The following UST variants were observed in gnomAD, a reference collection of about 807,000 sequenced individuals.
UST encodes chondroitin sulfate 2-O-sulfotransferase.
A neutral mutation model predicts 45.6 loss-of-function variants in UST; 21 were observed. The observed-to-expected ratio is 0.46, with a 90% CI of 0.33 to 0.66. UST has a LOEUF of 0.66. Among genes scored for constraint, UST ranks in the 30% least tolerant of loss-of-function variants. The pLI is 0.02. For synonymous variants in UST, 215 were observed against 200.6 expected (o/e 1.07, Z -0.61); for missense variants, 463 against 512.4 (o/e 0.90, Z 0.93).
intron 5 of UST, among the ~76,000 whole-genome samples, chr6:149,016,118 A>G (rs1162029414): frequency 6.6e-6 from 1 of 152,220 alleles, no homozygotes; most frequent in Non-Finnish European, 1.5e-5. Context: ...CTCCTATAGC[A>G]TCACCATAGA....
chr6:148,864,311 G>A (rs1778382905), intron 1 of UST, among the ~76,000 whole-genome samples: 1 of 152,216 alleles, frequency 6.6e-6, no homozygotes, highest in South Asian at 2.1e-4. Flanking sequence ...GCCAGGCGTG[G>A]GATGTAATCT....
intron 1 of UST, among the ~76,000 whole-genome samples, chr6:148,787,523 T>G (rs1776755238): frequency 6.6e-6 from 1 of 152,140 alleles, no homozygotes; most frequent in African/African-American, 2.4e-5. Flanking sequence ...ATTTCTGGGT[T>G]CTCTATTCTG....
intron 2 of UST, among the ~76,000 whole-genome samples, chr6:148,918,716 G>A (rs115210432): frequency 1.9e-4 from 29 of 152,220 alleles, no homozygotes; most frequent in African/African-American, 6.3e-4. Flanking sequence ...GAGGTGCAGC[G>A]GTAACCTCGT....
chr6:148,921,726 T>C (rs538287472), intron 2 of UST, among the ~76,000 whole-genome samples: 3 of 152,268 alleles, frequency 2.0e-5, no homozygotes, highest in African/African-American at 7.2e-5. Flanking sequence ...CCTTGTGGGT[T>C]ATGGAAGCAC....
At chr6:148,871,867 A>C (rs1778565398) in intron 1 of UST, among the ~76,000 whole-genome samples, 1 of 152,218 alleles carries the variant, frequency 6.6e-6, no homozygotes, top group Admixed American at 6.5e-5. Context: ...GGCAGGTAGT[A>C]AGGTTGTCAT....
At position 148,941,294 on chromosome 6, in the gene UST, A is replaced by G. The variant is rs763721374; in HGVS notation, c.307A>G (p.Ser103Gly). The change falls in exon 3 of 8, where the codon AGC (serine) becomes GGC (glycine). Residue 103 changes from serine to glycine, a missense_variant. By Grantham distance (56) the Ser-to-Gly change is moderately conservative (BLOSUM62 0). Coordinates refer to ENST00000367463, the MANE Select transcript of UST (RefSeq NM_005715.3). ...TTTTTCCCAGGTACTACCTTTCCCA[A>G]GCCAGGTGGTGTACAACAGGGTAGG... ...PPPSKVLPFP[S>G]QVVYNRVGKC... The G allele has an allele frequency of 3.7e-6, 6 of 1,612,932 alleles. No individual in the cohort carries two copies. In the East Asian group the frequency reaches 1.3e-4, roughly 36 times the overall value.
chr6:148,887,070 A>G (rs1269935507), intron 2 of UST, 41 bp downstream of exon 2: 5 of 1,538,690 alleles, frequency 3.2e-6, no homozygotes. Context: ...TTTTTCTTTT[A>G]TCTTACTTAC....
intron 1 of UST, among the ~76,000 whole-genome samples, chr6:148,841,578 T>C (rs1285034165): frequency 7.6e-6 from 1 of 131,356 alleles, no homozygotes; most frequent in African/African-American, 3.0e-5. Context: ...GGGGGTCTGT[T>C]TTGTTTTTGT....
At chr6:149,006,932 A>G (rs1423751348) in intron 5 of UST, among the ~76,000 whole-genome samples, 1 of 152,078 alleles carries the variant, frequency 6.6e-6, no homozygotes, top group Non-Finnish European at 1.5e-5. Flanking sequence ...CTCATTTATT[A>G]TCTTCTGTCT....
intron 4 of UST, among the ~76,000 whole-genome samples, chr6:148,954,530 C>T (rs1341813087): frequency 6.6e-6 from 1 of 152,090 alleles, no homozygotes; most frequent in East Asian, 1.9e-4. Context: ...TCACAGTTGC[C>T]TCCAGTATTC....
chr6:148,840,342 C>G (rs1399650222), intron 1 of UST, among the ~76,000 whole-genome samples: 2 of 152,116 alleles, frequency 1.3e-5, no homozygotes, highest in Non-Finnish European at 1.5e-5. Context: ...AAGGAATGTC[C>G]ATGGGAAAAT....
intron 5 of UST, among the ~76,000 whole-genome samples, chr6:148,987,016 A>G (rs1208401461): frequency 6.6e-6 from 1 of 152,262 alleles, no homozygotes; most frequent in African/African-American, 2.4e-5. Context: ...ATTGTGCTTC[A>G]TACAGATGTA....
At chr6:148,896,030 C>CA (rs907472850) in intron 2 of UST, among the ~76,000 whole-genome samples, 3 of 152,132 alleles carry the variant, frequency 2.0e-5, no homozygotes, top group African/African-American at 7.2e-5. Context: ...GATGAAAACC[C>CA]AAATATATTA....
chr6:148,759,117 C>G (rs1180409873), intron 1 of UST, among the ~76,000 whole-genome samples: 1 of 152,182 alleles, frequency 6.6e-6, no homozygotes, highest in African/African-American at 2.4e-5. Context: ...ATCCATGATT[C>G]TCAGCTGTTT....
intron 1 of UST, among the ~76,000 whole-genome samples, chr6:148,873,608 C>T (rs769119286): frequency 2.0e-5 from 3 of 152,150 alleles, no homozygotes; most frequent in Non-Finnish European, 2.9e-5. Context: ...CTAAGCAAGG[C>T]AGGGAGTGTG....
At position 148,877,694 on chromosome 6, in the gene UST, T is replaced by G. The variant is rs866994897; in HGVS notation, c.248-9292T>G. Among the ~76,000 whole-genome samples the G allele has an allele frequency of 3.7e-5, 3 of 80,422 alleles. No individual in the cohort carries two copies. The South Asian group carries it at 1.4e-3, about 37-fold the overall frequency. 52.8% of individuals were successfully genotyped at this position (80,422 alleles called of 152,430 possible). On this transcript the variant is annotated intron_variant, in intron 1 of 7. Transcript: ENST00000367463. ...ATGTATGAGTGCAGGGGGTCATGTA[T>G]GAGTGTGAGGGGTCGTGTATGAGTG...
intron 1 of UST, among the ~76,000 whole-genome samples, chr6:148,804,471 G>C (rs1291786043): frequency 6.6e-6 from 1 of 152,168 alleles, no homozygotes; most frequent in Non-Finnish European, 1.5e-5. Flanking sequence ...CAAGGGTGAA[G>C]TGGTCTGGTG....
At chr6:149,011,539 T>A (rs1321978304) in intron 5 of UST, among the ~76,000 whole-genome samples, 2 of 152,202 alleles carry the variant, frequency 1.3e-5, no homozygotes, top group Non-Finnish European at 2.9e-5. Flanking sequence ...GCATGTATGC[T>A]GACAATTCCA....
At chr6:148,940,343 A>T (rs1396131383) in intron 2 of UST, among the ~76,000 whole-genome samples, 2 of 151,832 alleles carry the variant, frequency 1.3e-5, no homozygotes, top group Admixed American at 1.3e-4. Context: ...AAAAAATTAC[A>T]AAAATTAGCC....
Sources: allele counts gnomAD v4.1 joint callset (sites outside exome capture counted in the v4.1 genomes callset), GRCh38; gene constraint gnomAD v4.1.1; transcripts MANE v1.5; gene names NCBI Gene and HGNC (gene_info 2026-07-23, HGNC 2026-07-21).